SHTN1: variants seen among roughly 807,000 people sequenced by gnomAD.
SHTN1 encodes the protein shootin-1.
Under a neutral mutation model 83.1 loss-of-function variants are expected in SHTN1, and 42 were observed. The ratio of observed to expected loss-of-function variants is 0.51; its 90% CI spans 0.39 to 0.65. The LOEUF (loss-of-function observed/expected upper bound fraction) is 0.65. Ranked by LOEUF, SHTN1 falls within the 30% of genes least tolerant of loss-of-function variation. The probability of loss-of-function intolerance (pLI) is 0.00; values close to 1 mark genes in which losing one functional copy is unlikely to be tolerated. For missense variants in SHTN1, 622 were observed against 737.8 expected (o/e 0.84, Z 1.82); for synonymous variants, 224 against 247.7 (o/e 0.90, Z 0.90).
chr10:116,916,494 T>C (rs1274241044), intron 12 of SHTN1, among the ~76,000 whole-genome samples: 1 of 152,208 alleles, frequency 6.6e-6, no homozygotes, highest in Non-Finnish European at 1.5e-5. Context: ...CTACTGACTA[T>C]TGGCTTCTGA....
At chr10:117,042,221 C>G (rs1852593673) in intron 2 of SHTN1, among the ~76,000 whole-genome samples, 1 of 152,174 alleles carries the variant, frequency 6.6e-6, no homozygotes, top group African/African-American at 2.4e-5. Flanking sequence ...TTTGAAGCCA[C>G]CCTTCAAAAG....
intron 14 of SHTN1, among the ~76,000 whole-genome samples, chr10:116,907,238 G>A (rs187788106): frequency 6.6e-6 from 1 of 152,302 alleles, no homozygotes; most frequent in Non-Finnish European, 1.5e-5. Context: ...CGTCGTAGCT[G>A]TCAAAGGAGG....
chr10:116,973,799 A>T, intron 2 of SHTN1: 1 of 1,087,720 alleles, frequency 9.2e-7, no homozygotes, highest in Non-Finnish European at 1.2e-6. Flanking sequence ...TCCAGTTACA[A>T]CAGTTAAAGA....
chr10:116,892,095 G>A (rs1253285008), intron 16 of SHTN1, among the ~76,000 whole-genome samples: 1 of 152,180 alleles, frequency 6.6e-6, no homozygotes, highest in African/African-American at 2.4e-5. Context: ...GCTGGGCAAA[G>A]ATCTATGTCT....
At chr10:116,936,889 T>C (rs1228211870) in intron 9 of SHTN1, among the ~76,000 whole-genome samples, 1 of 152,208 alleles carries the variant, frequency 6.6e-6, no homozygotes, top group Non-Finnish European at 1.5e-5. Context: ...GCTCTTCTTG[T>C]TGCATTAATA....
intron 16 of SHTN1, among the ~76,000 whole-genome samples, chr10:116,900,022 G>C (rs962611419): frequency 6.6e-6 from 1 of 152,188 alleles, no homozygotes; most frequent in African/African-American, 2.4e-5. Flanking sequence ...AAGTGTGCCA[G>C]TCTGGGTAAA....
intron 9 of SHTN1, among the ~76,000 whole-genome samples, chr10:116,937,254 T>C (rs938313591): frequency 3.3e-5 from 5 of 152,294 alleles, no homozygotes; most frequent in African/African-American, 1.2e-4. Context: ...CTCTTCATAG[T>C]GTCATTAGTC....
chr10:117,061,135 C>CTTTTTTTTTTTTT (rs5788206), intron 1 of SHTN1, among the ~76,000 whole-genome samples: 2 of 127,262 alleles, frequency 1.6e-5, no homozygotes, highest in Non-Finnish European at 1.7e-5. Flanking sequence ...AAGCTTTAGT[C>CTTTTTTTTTTTTT]TTTTTTTTTT....
intron 1 of SHTN1, among the ~76,000 whole-genome samples, chr10:117,114,642 G>A (rs1405458521): frequency 6.6e-6 from 1 of 152,096 alleles, no homozygotes; most frequent in Non-Finnish European, 1.5e-5. Context: ...CAGGAAGCAG[G>A]CCCTTGGATG....
At chr10:116,986,917 C>T (rs1851240141) in intron 1 of SHTN1, among the ~76,000 whole-genome samples, 1 of 151,702 alleles carries the variant, frequency 6.6e-6, no homozygotes, top group African/African-American at 2.4e-5. Context: ...TTAGTAGAGA[C>T]GGGGTTTCAC....
intron 2 of SHTN1, among the ~76,000 whole-genome samples, chr10:117,045,213 A>C (rs967756453): frequency 1.7e-4 from 26 of 152,220 alleles, no homozygotes; most frequent in Non-Finnish European, 1.8e-4. Flanking sequence ...CTTCTCCTTA[A>C]AAGCAATGAG....
At chr10:116,891,363 G>A (rs1305010123) in intron 16 of SHTN1, among the ~76,000 whole-genome samples, 1 of 152,216 alleles carries the variant, frequency 6.6e-6, no homozygotes. Context: ...TCAAAGTATA[G>A]TTCTTCTCTG....
rs962320793 is a variant in SHTN1 at position 116,884,160 on chromosome 10, T to C, written c.*2184A>G. 6.6e-6 allele frequency: 3 copies of C among 453,640 alleles called. No individual in the cohort carries two copies. Among genetic ancestry groups the C allele is most frequent in the African/African-American group, 6.0e-5 (3 of 50,030 alleles). 28.1% of individuals were successfully genotyped at this position (453,640 alleles called of 1,614,324 possible). On this transcript the variant is annotated 3_prime_UTR_variant, in exon 17 of 17. Coordinates refer to ENST00000355371, the MANE Select transcript of SHTN1 (RefSeq NM_001127211.3). ...AACTTAAAATTGTGTAAGCAGGACGTATGTAAGTTTTGTGTGTGCAATAGC... is the reference window on the plus strand; with the variant it reads ...AACTTAAAATTGTGTAAGCAGGACGCATGTAAGTTTTGTGTGTGCAATAGC...
At chr10:116,902,034 C>T (rs1001235523) in intron 15 of SHTN1, 77 bp from the exon 16 acceptor site, 3 of 1,284,980 alleles carry the variant, frequency 2.3e-6, no homozygotes, top group Non-Finnish European at 3.2e-6. Context: ...AACAGATTAG[C>T]TGAAAATCCC....
At chr10:116,924,744 C>CTTTTTTTTTTT (rs1564879304) in intron 11 of SHTN1, among the ~76,000 whole-genome samples, 2 of 133,664 alleles carry the variant, frequency 1.5e-5, no homozygotes, top group South Asian at 2.4e-4. Flanking sequence ...GAATTTTCAC[C>CTTTTTTTTTTT]TATTTTTTTT....
At chr10:116,993,014 T>C (rs899746307) in intron 1 of SHTN1, among the ~76,000 whole-genome samples, 7 of 55,246 alleles carry the variant, frequency 1.3e-4, no homozygotes, top group Admixed American at 9.5e-4. Flanking sequence ...CTTTCTTTTT[T>C]TTCTTTTTTT....
chr10:116,938,603 C>T (rs950189471), intron 9 of SHTN1, among the ~76,000 whole-genome samples: 2 of 152,234 alleles, frequency 1.3e-5, no homozygotes. Flanking sequence ...TGTCTGTAGA[C>T]CCCTGCTGGG....
chr10:116,926,719 A>G (rs955622423), intron 11 of SHTN1, among the ~76,000 whole-genome samples: 15 of 152,126 alleles, frequency 9.9e-5, no homozygotes, highest in African/African-American at 3.4e-4. Flanking sequence ...GGTTTAAAAA[A>G]AAAAAAAACC....
chr10:116,895,047 C>T (rs1280958826), intron 16 of SHTN1, among the ~76,000 whole-genome samples: 4 of 152,176 alleles, frequency 2.6e-5, no homozygotes, highest in Non-Finnish European at 5.9e-5. Flanking sequence ...ATTGACCAAA[C>T]ATGAAGCTCT....
Sources: gnomAD v4.1 joint callset for allele counts (sites outside exome capture counted in the v4.1 genomes callset) on GRCh38, gnomAD v4.1.1 for gene constraint, MANE v1.5 for transcripts, NCBI Gene and HGNC (gene_info 2026-07-23, HGNC 2026-07-21) for gene names.